BCKDHB: variants seen among roughly 807,000 people sequenced by gnomAD.
BCKDHB encodes the protein branched chain keto acid dehydrogenase E1 subunit beta.
BCKDHB carries 41 observed loss-of-function variants against 48.5 expected under a neutral mutation model. The ratio of observed to expected loss-of-function variants is 0.85; its 90% CI spans 0.66 to 1.10. The LOEUF is 1.10. Ranked by LOEUF, BCKDHB falls within the 50% of genes least tolerant of loss-of-function variation. BCKDHB has a pLI of 0.00. For synonymous variants in BCKDHB, 201 were observed against 174.8 expected (o/e 1.15, Z -1.18); for missense variants, 496 against 494.2 (o/e 1.00, Z -0.03).
chr6:80,422,323 G>A, the BCKDHB span, among the ~76,000 whole-genome samples: 1 of 152,198 alleles, frequency 6.6e-6, no homozygotes, highest in Non-Finnish European at 1.5e-5. Flanking sequence ...TTTAGAGGAT[G>A]TATGGAAACA....
At chr6:80,273,102 T>C in intron 8 of BCKDHB, 33 bp from the exon 9 acceptor site, 1 of 1,526,852 alleles carries the variant, frequency 6.5e-7, no homozygotes, top group Non-Finnish European at 9.1e-7. Flanking sequence ...ATAGATATTC[T>C]TTTTAACATC....
At chr6:80,395,599 C>T in the BCKDHB span, among the ~76,000 whole-genome samples, 2 of 152,088 alleles carry the variant, frequency 1.3e-5, no homozygotes, top group Non-Finnish European at 2.9e-5. Context: ...AAATTTGTAG[C>T]CTGAAGATTT....
the BCKDHB span, among the ~76,000 whole-genome samples, chr6:80,412,335 TG>T: frequency 6.6e-6 from 1 of 151,750 alleles, no homozygotes; most frequent in Non-Finnish European, 1.5e-5. Flanking sequence ...TTAGTAGAGA[TG>T]GGGTTTCACC....
At chr6:80,228,190 C>G (rs1017503672) in intron 8 of BCKDHB, among the ~76,000 whole-genome samples, 10 of 152,174 alleles carry the variant, frequency 6.6e-5, no homozygotes, top group Non-Finnish European at 1.3e-4. Context: ...TAAGCAAACT[C>G]CTTTCCTCCT....
the BCKDHB span, among the ~76,000 whole-genome samples, chr6:80,415,627 G>A: frequency 3.9e-5 from 6 of 152,154 alleles, no homozygotes; most frequent in Non-Finnish European, 5.9e-5. Flanking sequence ...AAGCCTACTT[G>A]ATAAGGCTTG....
At chr6:80,205,795 T>G (rs527628111) in intron 8 of BCKDHB, among the ~76,000 whole-genome samples, 31 of 127,800 alleles carry the variant, frequency 2.4e-4, no homozygotes, top group Non-Finnish European at 4.0e-4. Context: ...GCCATGGGTG[T>G]GTGTGTGTGT....
intron 9 of BCKDHB, among the ~76,000 whole-genome samples, chr6:80,295,867 A>G (rs184015557): frequency 1.3e-5 from 2 of 152,270 alleles, no homozygotes; most frequent in Admixed American, 1.3e-4. Context: ...GATCCCTCCT[A>G]TGACACGTGG....
At chr6:80,272,311 A>G (rs563706457) in intron 8 of BCKDHB, among the ~76,000 whole-genome samples, 1 of 152,240 alleles carries the variant, frequency 6.6e-6, no homozygotes, top group East Asian at 1.9e-4. Context: ...ATAGTAACAG[A>G]TTTTATTAAA....
At chr6:80,316,128 C>T (rs1248082885) in intron 9 of BCKDHB, among the ~76,000 whole-genome samples, 3 of 152,184 alleles carry the variant, frequency 2.0e-5, no homozygotes, top group African/African-American at 4.8e-5. Flanking sequence ...GTGAAAATAA[C>T]TGGTATGCTT....
At chr6:80,157,148 T>G (rs967966636) in intron 3 of BCKDHB, among the ~76,000 whole-genome samples, 1 of 152,092 alleles carries the variant, frequency 6.6e-6, no homozygotes, top group Non-Finnish European at 1.5e-5. Context: ...ACTAGATGTT[T>G]TCTATTTCAT....
At position 80,167,745 on chromosome 6, in the gene BCKDHB, G is replaced by A. The variant is rs142858149; in HGVS notation, c.411G>A (p.Ala137=). 110 of 1,612,788 alleles carry A rather than the reference G, an allele frequency of 6.8e-5. No individual in the cohort carries two copies. In the African/African-American group the frequency reaches 1.3e-3, roughly 19 times the overall value. ...QGIVGFGIGI[A]VTGATAIAEI... ...TTGTTGGATTTGGAATCGGAATTGCGGTCACTGGAGCTACTGCCATTGCGG... is the reference window on the plus strand; with the variant it reads ...TTGTTGGATTTGGAATCGGAATTGCAGTCACTGGAGCTACTGCCATTGCGG... Residue 137 remains alanine, a synonymous_variant, in exon 4 of 10, where the codon GCG becomes GCA. Coordinates refer to ENST00000320393, the MANE Select transcript of BCKDHB (RefSeq NM_183050.4).
intron 8 of BCKDHB, among the ~76,000 whole-genome samples, chr6:80,251,092 G>A (rs183328834): frequency 1.7e-4 from 26 of 152,234 alleles, no homozygotes; most frequent in African/African-American, 6.0e-4. Flanking sequence ...TAACTTTGTA[G>A]ACCCTGGTTT....
the BCKDHB span, among the ~76,000 whole-genome samples, chr6:80,455,153 A>G: frequency 6.6e-6 from 1 of 152,186 alleles, no homozygotes; most frequent in African/African-American, 2.4e-5. Flanking sequence ...AGACCAAGAC[A>G]TATGTGTGGG....
chr6:80,438,244 A>G, the BCKDHB span, among the ~76,000 whole-genome samples: 819 of 152,324 alleles, frequency 5.4e-3, 5 homozygotes, highest in Middle Eastern at 0.01. Context: ...TCTGCAACGT[A>G]TTTTTGTTCT....
the BCKDHB span, among the ~76,000 whole-genome samples, chr6:80,375,705 T>C: frequency 6.6e-6 from 1 of 152,202 alleles, no homozygotes; most frequent in Non-Finnish European, 1.5e-5. Context: ...TAGTATGATC[T>C]CTTGGGTGTG....
intron 8 of BCKDHB, among the ~76,000 whole-genome samples, chr6:80,223,809 G>A (rs2127867820): frequency 6.6e-6 from 1 of 152,282 alleles, no homozygotes; most frequent in South Asian, 2.1e-4. Flanking sequence ...TGTTTCGTAT[G>A]TCTCTCCGTG....
chr6:80,406,008 A>G, the BCKDHB span, among the ~76,000 whole-genome samples: 1 of 151,716 alleles, frequency 6.6e-6, no homozygotes, highest in South Asian at 2.1e-4. Context: ...CCAGGGTGTG[A>G]TGTTCCCTGC....
chr6:80,454,774 C>A, the BCKDHB span, among the ~76,000 whole-genome samples: 1 of 152,230 alleles, frequency 6.6e-6, no homozygotes, highest in Non-Finnish European at 1.5e-5. Context: ...CCTCCCTACA[C>A]TGTCAGACTA....
intron 9 of BCKDHB, among the ~76,000 whole-genome samples, chr6:80,337,040 TTA>T (rs1226229823): frequency 3.3e-5 from 5 of 152,152 alleles, no homozygotes; most frequent in Non-Finnish European, 7.4e-5. Context: ...AAAGTTCTGT[TTA>T]TTTAATTCAG....
Sources: gnomAD v4.1 joint callset for allele counts (sites outside exome capture counted in the v4.1 genomes callset) on GRCh38, gnomAD v4.1.1 for gene constraint, MANE v1.5 for transcripts, NCBI Gene and HGNC (gene_info 2026-07-23, HGNC 2026-07-21) for gene names.